SLC2A13: variants seen among roughly 807,000 people sequenced by gnomAD.
SLC2A13 encodes solute carrier family 2 member 13.
A neutral mutation model predicts 64.4 loss-of-function variants in SLC2A13; 32 were observed. That is an observed-to-expected ratio of 0.50 (90% CI 0.37 to 0.67). The LOEUF is 0.67. Among genes scored for constraint, SLC2A13 ranks in the 30% least tolerant of loss-of-function variants. SLC2A13 has a pLI of 0.00. For synonymous variants in SLC2A13, 338 were observed against 327.1 expected (o/e 1.03, Z -0.36); for missense variants, 743 against 829.2 (o/e 0.90, Z 1.28).
intron 7 of SLC2A13, among the ~76,000 whole-genome samples, chr12:39,794,166 C>A (rs965776779): frequency 2.7e-5 from 4 of 149,268 alleles, no homozygotes; most frequent in African/African-American, 4.9e-5. Flanking sequence ...CAAAACCTCC[C>A]TTCTGCAAAA....
intron 3 of SLC2A13, among the ~76,000 whole-genome samples, chr12:39,975,319 T>A (rs1242641619): frequency 6.6e-6 from 1 of 152,174 alleles, no homozygotes; most frequent in Non-Finnish European, 1.5e-5. Flanking sequence ...GTGAAAAAAA[T>A]TTATCTTCCC....
At chr12:39,955,149 G>T (rs1282281169) in intron 3 of SLC2A13, among the ~76,000 whole-genome samples, 1 of 152,016 alleles carries the variant, frequency 6.6e-6, no homozygotes, top group Non-Finnish European at 1.5e-5. Context: ...TCATTTAAAA[G>T]GATTCAAGTC....
intron 2 of SLC2A13, among the ~76,000 whole-genome samples, chr12:40,037,768 T>C (rs538280966): frequency 1.3e-5 from 2 of 152,306 alleles, no homozygotes; most frequent in Admixed American, 1.3e-4. Flanking sequence ...TAAGTTGTGA[T>C]TGTCAAGCAA....
intron 1 of SLC2A13, among the ~76,000 whole-genome samples, chr12:40,073,513 A>G (rs1454283157): frequency 2.0e-5 from 3 of 152,040 alleles, no homozygotes; most frequent in East Asian, 1.9e-4. Flanking sequence ...TTTCTCTCCA[A>G]TGTTTTCTTA....
rs867425568 is a variant in SLC2A13 at position 39,930,039 on chromosome 12, G to A, written c.1034+21218C>T. ...CCAGGTACTCAGGAGGCTGAGGCAGGAGAATCGCTTGAACCCGGGAGGCAG... is the reference window on the plus strand; with the variant it reads ...CCAGGTACTCAGGAGGCTGAGGCAGAAGAATCGCTTGAACCCGGGAGGCAG... On this transcript the variant is annotated intron_variant, in intron 4 of 9. Transcript: ENST00000280871. Among the ~76,000 whole-genome samples the A allele has an allele frequency of 3.3e-5, 5 of 151,782 alleles. No homozygotes were observed. The South Asian group carries it at 1.0e-3, about 31-fold the overall frequency.
intron 3 of SLC2A13, among the ~76,000 whole-genome samples, chr12:39,971,740 C>T (rs772136463): frequency 2.6e-5 from 4 of 151,786 alleles, no homozygotes; most frequent in Admixed American, 6.6e-5. Flanking sequence ...TTTGGGAGGC[C>T]GAGGTGGGCA....
At position 39,958,364 on chromosome 12, in the gene SLC2A13, T is replaced by C. The variant is rs73280615; in HGVS notation, c.926-6999A>G. Reference sequence around the variant, plus strand: ...CAGTGTTAACATACCAGTCCTACAATGTAGCCACTGTGAGATTCTGTAAGT... The same window carrying C: ...CAGTGTTAACATACCAGTCCTACAACGTAGCCACTGTGAGATTCTGTAAGT... On this transcript the variant is annotated intron_variant, in intron 3 of 9. Coordinates refer to ENST00000280871, the MANE Select transcript of SLC2A13 (RefSeq NM_052885.4). 7.4e-3 allele frequency among the ~76,000 whole-genome samples: 1,132 copies of C among 152,314 alleles called. 15 individuals carry two copies. Among genetic ancestry groups the C allele is most frequent in the African/African-American group, 0.026 (1,075 of 41,564 alleles).
At chr12:39,979,721 A>C (rs1946852324) in intron 3 of SLC2A13, among the ~76,000 whole-genome samples, 1 of 98,554 alleles carries the variant, frequency 1.0e-5, no homozygotes, top group Non-Finnish European at 2.0e-5. Flanking sequence ...AGTGATGCGG[A>C]GAATGGAACC....
At chr12:39,912,896 G>T (rs1371358878) in intron 4 of SLC2A13, among the ~76,000 whole-genome samples, 1 of 152,098 alleles carries the variant, frequency 6.6e-6, no homozygotes, top group Non-Finnish European at 1.5e-5. Context: ...TTGAACAAAT[G>T]AGTAAAGAAA....
At position 39,986,781 on chromosome 12, in the gene SLC2A13, A is replaced by T. The variant is rs11174608; in HGVS notation, c.926-35416T>A. Among the ~76,000 whole-genome samples the T allele has an allele frequency of 2.7e-3, 406 of 152,182 alleles. 12 individuals are homozygous for T. The East Asian group carries it at 0.073, about 27-fold the overall frequency. ...ATCAAACCGACCAATTTCAAAGAGAACAAATCTCAGGCATATCTATGGTGC... is the reference window on the plus strand; with the variant it reads ...ATCAAACCGACCAATTTCAAAGAGATCAAATCTCAGGCATATCTATGGTGC... On this transcript the variant is annotated intron_variant, in intron 3 of 9. Coordinates refer to ENST00000280871, the MANE Select transcript of SLC2A13 (RefSeq NM_052885.4).
intron 7 of SLC2A13, among the ~76,000 whole-genome samples, chr12:39,794,196 A>G (rs1225103063): frequency 6.7e-6 from 1 of 150,000 alleles, no homozygotes; most frequent in African/African-American, 2.4e-5. Context: ...TTGCCTGAAC[A>G]GTGTCCACCA....
chr12:39,800,017 T>C (rs973507684), intron 7 of SLC2A13, among the ~76,000 whole-genome samples: 7 of 152,194 alleles, frequency 4.6e-5, no homozygotes, highest in African/African-American at 1.7e-4. Flanking sequence ...TTTTTTGCAG[T>C]TCAATGAAAA....
At chr12:39,929,052 G>A (rs1344059307) in intron 4 of SLC2A13, among the ~76,000 whole-genome samples, 1 of 152,166 alleles carries the variant, frequency 6.6e-6, no homozygotes, top group African/African-American at 2.4e-5. Flanking sequence ...CAGACAGGAG[G>A]ATGGCAGACA....
chr12:39,839,004 T>C lies in SLC2A13; in HGVS notation c.1320-8776A>G, dbSNP rs76175379. 7.6e-3 allele frequency among the ~76,000 whole-genome samples: 1,160 copies of C among 152,204 alleles called. 22 individuals are homozygous for C. Among genetic ancestry groups the C allele is most frequent in the African/African-American group, 0.027 (1,101 of 41,544 alleles). On this transcript the variant is annotated intron_variant, in intron 6 of 9. Transcript: ENST00000280871. Reference sequence around the variant, plus strand: ...ATCCATGGCCACAGGTCCAATTTCATTTTCTGCAGGTAATTGTGCTCACTC... The same window carrying C: ...ATCCATGGCCACAGGTCCAATTTCACTTTCTGCAGGTAATTGTGCTCACTC...
intron 7 of SLC2A13, among the ~76,000 whole-genome samples, chr12:39,820,274 C>CA (rs1942454880): frequency 6.6e-6 from 1 of 152,140 alleles, no homozygotes; most frequent in Admixed American, 6.6e-5. Flanking sequence ...CAAGTGAAGA[C>CA]AGAGTGAAGG....
chr12:40,036,685 TATA>T (rs1343943775), intron 2 of SLC2A13, among the ~76,000 whole-genome samples: 6 of 152,262 alleles, frequency 3.9e-5, no homozygotes, highest in African/African-American at 1.4e-4. Context: ...ACTTTAGTGT[TATA>T]ATAAGTCTTG....
intron 2 of SLC2A13, among the ~76,000 whole-genome samples, chr12:40,047,475 T>G (rs2058497344): frequency 6.6e-6 from 1 of 152,220 alleles, no homozygotes. Context: ...TTTTAAGCTT[T>G]AACATAAGAT....
At chr12:40,000,300 AAAC>A (rs1947301722) in intron 3 of SLC2A13, among the ~76,000 whole-genome samples, 1 of 147,876 alleles carries the variant, frequency 6.8e-6, no homozygotes. Context: ...CTACATTAAA[AAAC>A]AACAACAACA....
At chr12:39,823,276 T>A (rs974413456) in intron 7 of SLC2A13, among the ~76,000 whole-genome samples, 15 of 152,230 alleles carry the variant, frequency 9.9e-5, no homozygotes, top group Admixed American at 7.2e-4. Context: ...TTGAGCTACA[T>A]TGTTATTAAT....
Sources: gnomAD v4.1 joint callset for allele counts (sites outside exome capture counted in the v4.1 genomes callset) on GRCh38, gnomAD v4.1.1 for gene constraint, MANE v1.5 for transcripts, NCBI Gene and HGNC (gene_info 2026-07-23, HGNC 2026-07-21) for gene names.